Variants in ESR2 observed in about 807,000 individuals in gnomAD.
ESR2 encodes the protein estrogen receptor 2, also known as estrogen receptor beta.
Under a neutral mutation model 49.6 loss-of-function variants are expected in ESR2, and 36 were observed. The ratio of observed to expected loss-of-function variants is 0.73; its 90% CI spans 0.56 to 0.96. The LOEUF (loss-of-function observed/expected upper bound fraction) is 0.96, where lower values mean the gene tolerates loss of function less well. ESR2 is among the 40% of genes least tolerant of loss of function. The probability of loss-of-function intolerance (pLI) is 0.00; values close to 1 mark genes in which losing one functional copy is unlikely to be tolerated. For missense variants in ESR2, 714 were observed against 693.0 expected, an observed-to-expected ratio of 1.03 and a Z score of -0.34; for synonymous variants, 320 against 266.1, an observed-to-expected ratio of 1.20 and a Z score of -1.97.
At chr14:64,302,796 T>C (rs1324711595) in intron 1 of ESR2, among the ~76,000 whole-genome samples, 1 of 152,006 alleles carries the variant, frequency 6.6e-6, no homozygotes, top group Admixed American at 6.6e-5. Context: ...CTGTTGTTGT[T>C]ATTGTTGTTT....
chr14:64,237,149 A>C (rs2075621966), intron 7 of ESR2, among the ~76,000 whole-genome samples: 1 of 151,958 alleles, frequency 6.6e-6, no homozygotes, highest in Non-Finnish European at 1.5e-5. Flanking sequence ...TTCAGTAGAG[A>C]CAGTGTTTCA....
At chr14:64,236,898 C>A (rs2075615141) in intron 7 of ESR2, among the ~76,000 whole-genome samples, 1 of 152,022 alleles carries the variant, frequency 6.6e-6, no homozygotes, top group Non-Finnish European at 1.5e-5. Context: ...CCACACACAC[C>A]CCACAGCCAC....
At chr14:64,313,363 T>C (rs910502872) in intron 1 of ESR2, among the ~76,000 whole-genome samples, 1 of 150,850 alleles carries the variant, frequency 6.6e-6, no homozygotes, top group Non-Finnish European at 1.5e-5. Flanking sequence ...CAAAACCCCA[T>C]CTCTAATAAA....
At chr14:64,326,307 C>T (rs923880612) in intron 1 of ESR2, among the ~76,000 whole-genome samples, 7 of 152,088 alleles carry the variant, frequency 4.6e-5, no homozygotes, top group African/African-American at 9.7e-5. Context: ...TGGGGCCTCA[C>T]ATTCTTCTTC....
chr14:64,299,155 TA>T (rs35415214), upstream of ESR2, among the ~76,000 whole-genome samples: 792 of 137,128 alleles, frequency 5.8e-3, 2 homozygotes, highest in African/African-American at 0.012. Flanking sequence ...TGAAATGAGA[TA>T]AAAAAAAAAA....
rs200502775 is a variant in ESR2 at position 64,233,157 on chromosome 14, G to A, written c.1573C>T (p.Gln525Ter). The change falls in exon 9 of 9, where the codon CAG becomes TAG. Residue 525 changes from glutamine (Q) to a stop codon, truncating the protein, a stop_gained. Coordinates refer to ENST00000341099, the MANE Select transcript of ESR2 (RefSeq NM_001437.3). LOFTEE classifies it high-confidence loss of function. Reference protein sequence around the residue: ...AEDSKSKEGSQNPQSQ With the variant: ...AEDSKSKEGS ...AGGCGTCACTGAGACTGTGGGTTCT[G>A]GGAGCCCTCTTTGCTTTTACTGTCC... 1.2e-6 allele frequency: 2 copies of A among 1,613,812 alleles called. No individual in the cohort carries two copies. The highest frequency in any genetic ancestry group is 1.7e-6 in the Non-Finnish European group (2 of 1,179,784).
At chr14:64,260,105 G>A in intron 5 of ESR2, 1 of 504,324 alleles carries the variant, frequency 2.0e-6, no homozygotes, top group Non-Finnish European at 3.9e-6. Flanking sequence ...GGACACACAG[G>A]ATAGGGTTTG....
chr14:64,237,648 C>T (rs894489234), intron 7 of ESR2, among the ~76,000 whole-genome samples: 2 of 152,214 alleles, frequency 1.3e-5, no homozygotes, highest in African/African-American at 2.4e-5. Flanking sequence ...TGTCCACTAA[C>T]TGACGAATGG....
intron 6 of ESR2, among the ~76,000 whole-genome samples, chr14:64,250,299 G>A (rs2075962383): frequency 6.6e-6 from 1 of 152,186 alleles, no homozygotes; most frequent in African/African-American, 2.4e-5. Flanking sequence ...AGGTATACAT[G>A]GAGGTGGGGA....
At position 64,280,215 on chromosome 14, in the gene ESR2, G is replaced by GAA. The variant is rs5809225; in HGVS notation, c.363-64_363-63dup. 55,211 of 1,031,360 alleles carry GAA rather than the reference G, an allele frequency of 0.054. 2,116 individuals are homozygous for GAA. The highest frequency in any genetic ancestry group is 0.3 in the East Asian group (12,255 of 40,216). 63.9% of individuals were successfully genotyped at this position (1,031,360 alleles called of 1,614,324 possible). A position where few individuals can be genotyped will look rare whatever the true frequency, so the allele number is the denominator to read the frequency against. ...AAAAGGGAAAGGAAGGGCTTTCTAG[G>GAA]AAAAAAAAATAGCATGAACATTGCC... On this transcript the variant is annotated intron_variant, in intron 2 of 8. Coordinates refer to ENST00000341099, the MANE Select transcript of ESR2 (RefSeq NM_001437.3).
chr14:64,303,226 T>A (rs2077048533), intron 1 of ESR2, among the ~76,000 whole-genome samples: 1 of 152,228 alleles, frequency 6.6e-6, no homozygotes. Context: ...AGCTCACAGG[T>A]GCTCAGGTCG....
intron 1 of ESR2, among the ~76,000 whole-genome samples, chr14:64,308,207 G>A (rs2077134912): frequency 6.6e-6 from 1 of 152,012 alleles, no homozygotes; most frequent in Non-Finnish European, 1.5e-5. Flanking sequence ...TAGAGAGGCG[G>A]TCTCACCATG....
intron 5 of ESR2, chr14:64,260,035 C>T: frequency 2.3e-6 from 1 of 429,842 alleles, no homozygotes; most frequent in South Asian, 1.7e-5. Context: ...CTGGGTCCAT[C>T]CTCCCAGACC....
chr14:64,247,323 C>T (rs2075882683), intron 7 of ESR2, among the ~76,000 whole-genome samples: 1 of 118,104 alleles, frequency 8.5e-6, no homozygotes, highest in African/African-American at 4.4e-5. Context: ...CAGAGTGAGG[C>T]TCTGTCTCAA....
Position 64,233,440 on chromosome 14 carries a change from C to A in ESR2, c.1407-117G>T, listed in dbSNP as rs1037036396. On this transcript the variant is annotated intron_variant, in intron 8 of 8. Transcript: ENST00000341099. Reference sequence around the variant, plus strand: ...CTACCCCACCCCTAAACCCACTCTTCCCCCAGCCCATTTATCCATGGCTCG... The same window carrying A: ...CTACCCCACCCCTAAACCCACTCTTACCCCAGCCCATTTATCCATGGCTCG... 5 of 947,212 alleles carry A rather than the reference C, an allele frequency of 5.3e-6. No individual in the cohort carries two copies. In the African/African-American group the frequency reaches 6.5e-5, roughly 12 times the overall value. 58.7% of individuals were successfully genotyped at this position (947,212 alleles called of 1,614,324 possible). A position where few individuals can be genotyped will look rare whatever the true frequency, so the allele number is the denominator to read the frequency against.
At position 64,235,221 on chromosome 14, in the gene ESR2, C is replaced by G. The variant is rs909617017; in HGVS notation, c.1226-71G>C. 6 of 1,516,358 alleles carry G rather than the reference C, an allele frequency of 4.0e-6. No homozygotes were observed. The Admixed American group carries it at 6.9e-5, about 18-fold the overall frequency. 93.9% of individuals were successfully genotyped at this position (1,516,358 alleles called of 1,614,324 possible). On this transcript the variant is annotated intron_variant, in intron 7 of 8. Coordinates refer to ENST00000341099, the MANE Select transcript of ESR2 (RefSeq NM_001437.3). ...GCAGAAGTCGTGTGCTCAGCTGTTC[C>G]GTGCGCCTGCTCCGAGGTGATCTGG...
chr14:64,233,329 G>A lies in ESR2; in HGVS notation c.1407-6C>T, dbSNP rs1407274035. ...GATGTTCCATGCCCTTGTTACTATGGGGACAAAAAGGTGCTGAGATTCCCT... is the reference window on the plus strand; with the variant it reads ...GATGTTCCATGCCCTTGTTACTATGAGGACAAAAAGGTGCTGAGATTCCCT... On this transcript the variant is annotated splice_polypyrimidine_tract_variant and splice_region_variant and intron_variant, in intron 8 of 8. Coordinates refer to ENST00000341099, the MANE Select transcript of ESR2 (RefSeq NM_001437.3). The A allele has an allele frequency of 3.1e-6, 5 of 1,603,408 alleles. No homozygotes were observed. The highest frequency in any genetic ancestry group is 4.3e-6 in the Non-Finnish European group (5 of 1,171,328).
At chr14:64,323,449 T>A (rs1567803026) in intron 1 of ESR2, among the ~76,000 whole-genome samples, 1 of 151,976 alleles carries the variant, frequency 6.6e-6, no homozygotes, top group African/African-American at 2.4e-5. Context: ...CCTCGAGTGA[T>A]CCCACCTCGG....
chr14:64,325,730 G>A lies in ESR2; in HGVS notation c.-91+12168C>T. 1.3e-5 allele frequency among the ~76,000 whole-genome samples: 2 copies of A among 152,008 alleles called. 1 individual carries two copies. Among genetic ancestry groups the A allele is most frequent in the Middle Eastern group, 6.3e-3 (2 of 316 alleles). ...CTTCCTCCTTCTCAGACTACTCAAA[G>A]TGAAGACGATGAGAATGAAGACCTT... On this transcript the variant is annotated intron_variant, in intron 1 of 8. Coordinates refer to the ESR2 transcript ENST00000358599.
Sources: allele counts gnomAD v4.1 joint callset (sites outside exome capture counted in the v4.1 genomes callset), GRCh38; gene constraint gnomAD v4.1.1; transcripts MANE v1.5; gene names NCBI Gene and HGNC (gene_info 2026-07-23, HGNC 2026-07-21).